The following MLLT3 variants were observed in gnomAD, a reference collection of about 807,000 sequenced individuals.
MLLT3 encodes the protein protein AF-9.
A neutral mutation model predicts 53.2 loss-of-function variants in MLLT3; 4 were observed. The observed-to-expected ratio is 0.08, with a 90% CI of 0.04 to 0.17. The LOEUF (loss-of-function observed/expected upper bound fraction) is 0.17, where lower values mean the gene tolerates loss of function less well. Among genes scored for constraint, MLLT3 ranks in the 10% least tolerant of loss-of-function variants. MLLT3 has a pLI of 1.00. For synonymous variants in MLLT3, 283 were observed against 230.6 expected (o/e 1.23, Z -2.06); for missense variants, 569 against 684.0 (o/e 0.83, Z 1.87).
At chr9:20,348,253 G>A (rs139909445) in intron 10 of MLLT3, among the ~76,000 whole-genome samples, 9 of 152,252 alleles carry the variant, frequency 5.9e-5, no homozygotes, top group South Asian at 2.1e-4. Context: ...ACGGAAGGCC[G>A]TTTTTCTGAG....
intron 2 of MLLT3, among the ~76,000 whole-genome samples, chr9:20,611,829 A>T (rs977159158): frequency 6.6e-6 from 1 of 152,188 alleles, no homozygotes; most frequent in African/African-American, 2.4e-5. Flanking sequence ...AAGTCATGCA[A>T]CATTACTTCT....
chr9:20,463,834 T>C (rs1268270398), intron 2 of MLLT3, among the ~76,000 whole-genome samples: 4 of 152,144 alleles, frequency 2.6e-5, no homozygotes, highest in Admixed American at 2.6e-4. Flanking sequence ...TATTCATATT[T>C]CAGAAAGTCC....
intron 4 of MLLT3, among the ~76,000 whole-genome samples, chr9:20,421,759 G>C (rs553060860): frequency 6.6e-6 from 1 of 152,048 alleles, no homozygotes. Flanking sequence ...AAAGGAATAA[G>C]ATTAATGAGG....
At chr9:20,489,728 C>T (rs537835065) in intron 2 of MLLT3, among the ~76,000 whole-genome samples, 2 of 152,282 alleles carry the variant, frequency 1.3e-5, no homozygotes, top group East Asian at 3.9e-4. Flanking sequence ...AGGGTCTGTG[C>T]TCCAATGACA....
chr9:20,601,895 A>G (rs1356695899), intron 2 of MLLT3, among the ~76,000 whole-genome samples: 1 of 152,174 alleles, frequency 6.6e-6, no homozygotes, highest in East Asian at 1.9e-4. Context: ...CTGGCCAGTC[A>G]TAAAACAATT....
chr9:20,621,083 A>G lies in MLLT3; in HGVS notation c.13-249T>C. 1.6e-6 allele frequency: 1 copy of G among 636,614 alleles called. No individual in the cohort carries two copies. Among genetic ancestry groups the G allele is most frequent in the Non-Finnish European group, 2.8e-6 (1 of 352,162 alleles). The allele number at this position is 636,614 out of a possible 1,614,324, so 39.4% of individuals were successfully genotyped here. A position where few individuals can be genotyped will look rare whatever the true frequency, so the allele number is the denominator to read the frequency against. ...TCTACATCGGACAGGATTGTAACGG[A>G]ATGTTATCCCCAGTCGGGAAGGGGG... On this transcript the variant is annotated intron_variant, in intron 1 of 10. Transcript: ENST00000380338. The surrounding 1 kb of genome is among the most constrained non-coding windows in gnomAD (Gnocchi z 7.0).
rs560261169 is a variant in MLLT3, at chr9:20,404,351, T to C, written c.1125+9370A>G. Among the ~76,000 whole-genome samples the C allele has an allele frequency of 6.6e-5, 10 of 152,336 alleles. No homozygotes were observed. In the East Asian group the frequency reaches 1.9e-3, roughly 29 times the overall value. On this transcript the variant is annotated intron_variant, in intron 5 of 10. Coordinates refer to ENST00000380338, the MANE Select transcript of MLLT3 (RefSeq NM_004529.4). ...TCAGGTCTTCACATAATGCAATTGATAAAATTACCTAACAAAAGCTGTCTT... is the reference window on the plus strand; with the variant it reads ...TCAGGTCTTCACATAATGCAATTGACAAAATTACCTAACAAAAGCTGTCTT...
chr9:20,536,627 T>C (rs1282059261), intron 2 of MLLT3, among the ~76,000 whole-genome samples: 5 of 152,220 alleles, frequency 3.3e-5, no homozygotes, highest in African/African-American at 1.2e-4. Flanking sequence ...GTAACATAGG[T>C]AAGGCATAAT....
chr9:20,428,225 A>G (rs1823183644), intron 4 of MLLT3, among the ~76,000 whole-genome samples: 1 of 152,084 alleles, frequency 6.6e-6, no homozygotes. Context: ...GAATTGTAAA[A>G]CCAGAAAAAA....
At chr9:20,363,430 A>C in intron 7 of MLLT3, 46 bp downstream of exon 7, 1 of 1,608,444 alleles carries the variant, frequency 6.2e-7, no homozygotes. Flanking sequence ...CTTGTGAAAG[A>C]GTCTGACTTC....
rs193215486 is a variant in MLLT3, at chr9:20,507,282, G to C, written c.194-50496C>G. Among the ~76,000 whole-genome samples, 336 of 152,278 alleles carry C rather than the reference G, an allele frequency of 2.2e-3. 3 individuals carry two copies. Among genetic ancestry groups the C allele is most frequent in the African/African-American group, 7.9e-3 (330 of 41,544 alleles). On this transcript the variant is annotated intron_variant, in intron 2 of 10. Coordinates refer to ENST00000380338, the MANE Select transcript of MLLT3 (RefSeq NM_004529.4). The stretch of plus-strand genomic sequence containing the variant: ...TACAAATTCATATAATCTGTTAATT[G>C]AGCATCTTTCGGCAATCTACTTCTT...
At chr9:20,472,243 T>C (rs1301666210) in intron 2 of MLLT3, among the ~76,000 whole-genome samples, 4 of 152,108 alleles carry the variant, frequency 2.6e-5, no homozygotes, top group African/African-American at 9.6e-5. Flanking sequence ...ATTAATAAAC[T>C]AGTATGCAAA....
In MLLT3 at chr9:20,610,984, TAG is replaced by T. The variant is rs549463184; in HGVS notation, c.193+9668_193+9669del. Among the ~76,000 whole-genome samples, 425 of 152,206 alleles carry T rather than the reference TAG, an allele frequency of 2.8e-3. 1 individual carries two copies. The highest frequency in any genetic ancestry group is 8.7e-3 in the African/African-American group (360 of 41,556). The stretch of plus-strand genomic sequence containing the variant: ...GACTCTATAAAACAGCTGCTTATTA[TAG>T]AGAAACAGAGAAATAAGTAAAATGA... On this transcript the variant is annotated intron_variant, in intron 2 of 10. Coordinates refer to ENST00000380338, the MANE Select transcript of MLLT3 (RefSeq NM_004529.4).
intron 5 of MLLT3, among the ~76,000 whole-genome samples, chr9:20,398,894 G>A (rs1240258944): frequency 6.6e-6 from 1 of 151,956 alleles, no homozygotes; most frequent in Non-Finnish European, 1.5e-5. Flanking sequence ...GGTGAAATCA[G>A]CTAAAAAACA....
intron 2 of MLLT3, among the ~76,000 whole-genome samples, chr9:20,570,178 A>G (rs1242370531): frequency 6.9e-6 from 1 of 145,102 alleles, no homozygotes; most frequent in African/African-American, 2.6e-5. Context: ...CTTTGAAAAT[A>G]GAGTATGAAA....
chr9:20,565,938 TTATATATATATATATTTA>T (rs1380328170), intron 2 of MLLT3, among the ~76,000 whole-genome samples: 8 of 12,572 alleles, frequency 6.4e-4, no homozygotes, highest in African/African-American at 8.7e-4. Flanking sequence ...ATATATATAT[TTATATATATATATATTTA>T]TATATATATA....
At chr9:20,362,106 C>A (rs1821337759) in intron 7 of MLLT3, among the ~76,000 whole-genome samples, 1 of 152,168 alleles carries the variant, frequency 6.6e-6, no homozygotes, top group African/African-American at 2.4e-5. Context: ...TGAGACTTCA[C>A]AAGTGCAGTG....
intron 2 of MLLT3, among the ~76,000 whole-genome samples, chr9:20,478,712 T>C: frequency 6.6e-6 from 1 of 152,222 alleles, no homozygotes; most frequent in East Asian, 1.9e-4. Flanking sequence ...TTAATAGCTA[T>C]GACCCGGGGC....
intron 2 of MLLT3, among the ~76,000 whole-genome samples, chr9:20,536,453 C>T (rs1485576321): frequency 1.3e-5 from 2 of 152,156 alleles, no homozygotes; most frequent in African/African-American, 2.4e-5. Flanking sequence ...TTATTCAACC[C>T]TTTTCCCCAC....
Sources: gnomAD v4.1 joint callset for allele counts (sites outside exome capture counted in the v4.1 genomes callset) on GRCh38, gnomAD v4.1.1 for gene constraint, Gnocchi (gnomAD v3.1) non-coding constraint, MANE v1.5 for transcripts, NCBI Gene and HGNC (gene_info 2026-07-23, HGNC 2026-07-21) for gene names.